POU6F2: variants seen among roughly 807,000 people sequenced by gnomAD.
POU6F2 encodes POU class 6 homeobox 2.
POU6F2 carries 31 observed loss-of-function variants against 71.3 expected under a neutral mutation model. The observed-to-expected ratio is 0.43, with a 90% CI of 0.33 to 0.59. POU6F2 has a LOEUF of 0.59. Ranked by LOEUF, POU6F2 falls within the 20% of genes least tolerant of loss-of-function variation. POU6F2 has a pLI of 0.04. For missense variants in POU6F2, 783 were observed against 856.8 expected, an observed-to-expected ratio of 0.91 and a Z score of 1.07; for synonymous variants, 347 against 355.7, an observed-to-expected ratio of 0.98 and a Z score of 0.27.
At chr7:39,247,492 GAGAC>G (rs1783842665) in intron 4 of POU6F2, among the ~76,000 whole-genome samples, 1 of 124,016 alleles carries the variant, frequency 8.1e-6, no homozygotes, top group African/African-American at 3.0e-5. Context: ...AAGAAAGAAA[GAGAC>G]AGAGAGAGAG....
intron 5 of POU6F2, among the ~76,000 whole-genome samples, chr7:39,364,303 G>T (rs1786453891): frequency 6.6e-6 from 1 of 151,344 alleles, no homozygotes; most frequent in Non-Finnish European, 1.5e-5. Flanking sequence ...GGGAACAGGT[G>T]GTGTTTGGTT....
chr7:39,041,372 C>T (rs572901901), intron 1 of POU6F2, among the ~76,000 whole-genome samples: 29 of 151,976 alleles, frequency 1.9e-4, no homozygotes, highest in East Asian at 3.9e-4. Context: ...AGTGGAGGTT[C>T]GTTGGTCAAA....
intron 7 of POU6F2, among the ~76,000 whole-genome samples, chr7:39,449,093 G>A (rs191192466): frequency 2.6e-5 from 4 of 152,244 alleles, no homozygotes; most frequent in East Asian, 1.9e-4. Flanking sequence ...CCTCTACTTC[G>A]CATAGCTGAG....
intron 2 of POU6F2, among the ~76,000 whole-genome samples, chr7:39,151,577 C>T (rs555787788): frequency 9.2e-5 from 14 of 152,094 alleles, no homozygotes; most frequent in African/African-American, 1.4e-4. Context: ...ATCTGCTCTC[C>T]GGTGGCAGTA....
At chr7:39,312,495 A>G (rs1385358545) in intron 4 of POU6F2, among the ~76,000 whole-genome samples, 2 of 152,200 alleles carry the variant, frequency 1.3e-5, no homozygotes, top group Non-Finnish European at 2.9e-5. Context: ...CCTAACCAGT[A>G]AAGCCACTAC....
At chr7:39,194,274 T>A (rs1793730944) in intron 2 of POU6F2, among the ~76,000 whole-genome samples, 1 of 152,228 alleles carries the variant, frequency 6.6e-6, no homozygotes, top group African/African-American at 2.4e-5. Context: ...TGCTGCGAGT[T>A]TTTCATTAGG....
chr7:39,262,205 A>G (rs1396785906), intron 4 of POU6F2, among the ~76,000 whole-genome samples: 1 of 152,194 alleles, frequency 6.6e-6, no homozygotes, highest in Non-Finnish European at 1.5e-5. Flanking sequence ...TGCAGTAGGA[A>G]AACAAGGTTG....
At chr7:39,053,830 C>T (rs1304375563) in intron 1 of POU6F2, among the ~76,000 whole-genome samples, 3 of 151,992 alleles carry the variant, frequency 2.0e-5, no homozygotes, top group East Asian at 1.9e-4. Flanking sequence ...AGACCAGCCA[C>T]GGTGGCTTAT....
intron 2 of POU6F2, among the ~76,000 whole-genome samples, chr7:39,141,136 C>A (rs1384620242): frequency 1.3e-5 from 2 of 152,138 alleles, no homozygotes; most frequent in East Asian, 1.9e-4. Context: ...TGTGTTCTGG[C>A]AAGAGGTGCA....
At chr7:39,262,152 A>G (rs916694853) in intron 4 of POU6F2, among the ~76,000 whole-genome samples, 7 of 152,184 alleles carry the variant, frequency 4.6e-5, no homozygotes, top group East Asian at 1.9e-4. Context: ...AGCTTCATAT[A>G]TTACATCATT....
At chr7:39,426,526 A>G (rs961470270) in intron 6 of POU6F2, among the ~76,000 whole-genome samples, 1 of 152,096 alleles carries the variant, frequency 6.6e-6, no homozygotes, top group Non-Finnish European at 1.5e-5. Context: ...GCTAGGGTCA[A>G]TGGCAGGCAG....
rs148385116 is a variant in POU6F2, at chr7:39,132,389, G to C, written c.277+46358G>C. 5.3e-5 allele frequency: 8 copies of C among 152,094 alleles called. No individual in the cohort carries two copies. The East Asian group carries it at 1.5e-3, about 29-fold the overall frequency. The allele number at this position is 152,094 out of a possible 1,614,324, so 9.4% of individuals were successfully genotyped here. ...TCCATTCATTTCAGGCCATACTCTC[G>C]TTCAAGGCTAATCAGAGAGGCAAAT... is the stretch of plus-strand genomic sequence containing the variant. On this transcript the variant is annotated intron_variant, in intron 2 of 9. Transcript: ENST00000518318.
intron 6 of POU6F2, among the ~76,000 whole-genome samples, chr7:39,421,608 C>T (rs1275429327): frequency 2.0e-5 from 3 of 152,106 alleles, no homozygotes; most frequent in Non-Finnish European, 4.4e-5. Flanking sequence ...AAAGCAATTG[C>T]CAAACATTTT....
chr7:39,345,387 G>T (rs1786014091), intron 5 of POU6F2, among the ~76,000 whole-genome samples: 1 of 152,172 alleles, frequency 6.6e-6, no homozygotes, highest in Non-Finnish European at 1.5e-5. Context: ...TTTCGGCCAG[G>T]TCTTTGATCT....
At chr7:39,222,474 A>C (rs1794388152) in intron 4 of POU6F2, among the ~76,000 whole-genome samples, 1 of 152,072 alleles carries the variant, frequency 6.6e-6, no homozygotes, top group South Asian at 2.1e-4. Flanking sequence ...GTACATTTAC[A>C]TTTCTGTGCA....
At chr7:39,056,604 G>C (rs1203740646) in intron 1 of POU6F2, among the ~76,000 whole-genome samples, 2 of 151,210 alleles carry the variant, frequency 1.3e-5, no homozygotes, top group East Asian at 3.9e-4. Flanking sequence ...TTCAGGATTA[G>C]AACTCAACAG....
intron 2 of POU6F2, among the ~76,000 whole-genome samples, chr7:39,190,912 G>A (rs902504896): frequency 1.3e-5 from 2 of 152,094 alleles, no homozygotes; most frequent in Admixed American, 1.3e-4. Context: ...TGGGATTACA[G>A]GCATGAACCA....
At chr7:39,265,110 T>C (rs890826385) in intron 4 of POU6F2, among the ~76,000 whole-genome samples, 1 of 152,152 alleles carries the variant, frequency 6.6e-6, no homozygotes, top group Non-Finnish European at 1.5e-5. Context: ...GTTCTCACTT[T>C]GCTGTTTTAT....
At chr7:39,186,302 CA>C (rs534295725) in intron 2 of POU6F2, among the ~76,000 whole-genome samples, 13 of 152,176 alleles carry the variant, frequency 8.5e-5, no homozygotes, top group Non-Finnish European at 1.8e-4. Context: ...GAATGGAGTG[CA>C]GGTAGATAAA....
Sources: gnomAD v4.1 joint callset for allele counts (sites outside exome capture counted in the v4.1 genomes callset) on GRCh38, gnomAD v4.1.1 for gene constraint, MANE v1.5 for transcripts, NCBI Gene and HGNC (gene_info 2026-07-23, HGNC 2026-07-21) for gene names.